OR1J2: variants seen among roughly 807,000 people sequenced by gnomAD.
OR1J2 encodes olfactory receptor family 1 subfamily J member 2, also known as olfactory receptor 1J2.
For missense variants in OR1J2, 304 were observed against 246.1 expected (o/e 1.24, Z -1.57); for synonymous variants, 142 against 99.7 (o/e 1.42, Z -2.52).
At chr9:122,484,878 C>T in the OR1J2 span, among the ~76,000 whole-genome samples, 1 of 151,646 alleles carries the variant, frequency 6.6e-6, no homozygotes, top group Non-Finnish European at 1.5e-5. Flanking sequence ...ACCAAAAATA[C>T]AAAAAATTAG....
Position 122,511,035 on chromosome 9 carries a change from C to T in OR1J2, c.234C>T (p.Val78=), listed in dbSNP as rs779515823. 6.5e-7 allele frequency: 1 copy of T among 1,534,902 alleles called. No homozygotes were observed. Among genetic ancestry groups the T allele is most frequent in the Non-Finnish European group, 9.0e-7 (1 of 1,111,366 alleles). ...ACATCTCCTTTTCATCTGTCACTGTCCCTAAGATGCTGATGGACATGCGGA... is the reference window on the plus strand; with the variant it reads ...ACATCTCCTTTTCATCTGTCACTGTTCCTAAGATGCTGATGGACATGCGGA... ...LTDISFSSVT[V]PKMLMDMRTK... is the part of the protein sequence containing the mutation. Residue 78 remains valine, a synonymous_variant, in exon 1 of 1, where the codon GTC becomes GTT. Coordinates refer to ENST00000335302, the MANE Select transcript of OR1J2 (RefSeq NM_054107.1).
downstream of OR1J2, among the ~76,000 whole-genome samples, chr9:122,513,869 T>C (rs1420941985): frequency 6.6e-6 from 1 of 152,186 alleles, no homozygotes. Context: ...TTAAAAATGA[T>C]GCTTTTGAAG....
the OR1J2 span, among the ~76,000 whole-genome samples, chr9:122,530,674 C>T: frequency 6.6e-6 from 1 of 152,134 alleles, no homozygotes; most frequent in East Asian, 1.9e-4. Flanking sequence ...TTTATTTCAC[C>T]TGGGTGCAGG....
the OR1J2 span, among the ~76,000 whole-genome samples, chr9:122,449,778 A>G: frequency 5.9e-5 from 9 of 152,186 alleles, no homozygotes; most frequent in Non-Finnish European, 1.2e-4. Flanking sequence ...GAGGTGCAGC[A>G]TGCTGGTTCA....
chr9:122,550,254 A>G, the OR1J2 span, among the ~76,000 whole-genome samples: 18 of 152,284 alleles, frequency 1.2e-4, no homozygotes, highest in South Asian at 2.1e-3. Context: ...ATTGAATCAT[A>G]CAATCTCCCA....
chr9:122,526,231 C>T, the OR1J2 span: 6 of 474,996 alleles, frequency 1.3e-5, no homozygotes, highest in Admixed American at 3.8e-5. Flanking sequence ...AATGAGAAAA[C>T]CAAGGCTCAG....
chr9:122,460,089 C>T, the OR1J2 span, among the ~76,000 whole-genome samples: 1 of 152,034 alleles, frequency 6.6e-6, no homozygotes, highest in Non-Finnish European at 1.5e-5. Context: ...ATAATGATCT[C>T]CAATTCCATC....
At chr9:122,453,028 C>CAAA in the OR1J2 span, among the ~76,000 whole-genome samples, 3 of 93,436 alleles carry the variant, frequency 3.2e-5, no homozygotes, top group African/African-American at 7.8e-5. Context: ...AGCTTCGTCT[C>CAAA]AAAAAAAAAA....
chr9:122,527,293 T>C, the OR1J2 span: 1 of 1,595,748 alleles, frequency 6.3e-7, no homozygotes, highest in Non-Finnish European at 8.6e-7. Flanking sequence ...TGGTTTTCCA[T>C]GACTCTGCAG....
the OR1J2 span, among the ~76,000 whole-genome samples, chr9:122,454,165 G>A: frequency 0.27 from 41,789 of 152,060 alleles, 5,933 homozygotes; most frequent in African/African-American, 0.35. Flanking sequence ...GCTATGATCA[G>A]CACCACATAT....
chr9:122,536,178 A>G, the OR1J2 span, among the ~76,000 whole-genome samples: 1 of 152,172 alleles, frequency 6.6e-6, no homozygotes. Flanking sequence ...ACCACAGTCA[A>G]TGGCAAAAAT....
chr9:122,522,319 A>G, the OR1J2 span, among the ~76,000 whole-genome samples: 1 of 152,226 alleles, frequency 6.6e-6, no homozygotes, highest in Non-Finnish European at 1.5e-5. Context: ...ATTCTTTCAC[A>G]GTGTGACAAT....
At chr9:122,544,109 C>T in the OR1J2 span, among the ~76,000 whole-genome samples, 1,099 of 152,106 alleles carry the variant, frequency 7.2e-3, 12 homozygotes, top group African/African-American at 0.026. Context: ...CAAAACATTA[C>T]ATTGTAGCTC....
At chr9:122,567,165 C>A in the OR1J2 span, 1 of 159,384 alleles carries the variant, frequency 6.3e-6, no homozygotes, top group Admixed American at 6.4e-5. Context: ...CAAAAACATT[C>A]AATGGCTACA....
chr9:122,530,920 C>T, the OR1J2 span, among the ~76,000 whole-genome samples: 1 of 152,146 alleles, frequency 6.6e-6, no homozygotes, highest in African/African-American at 2.4e-5. Context: ...GGAATATCAT[C>T]AGTTAAGGCA....
At chr9:122,448,518 G>C in the OR1J2 span, among the ~76,000 whole-genome samples, 1 of 152,144 alleles carries the variant, frequency 6.6e-6, no homozygotes, top group Non-Finnish European at 1.5e-5. Flanking sequence ...ACGGGCGTCA[G>C]GCTGGGGGAT....
At chr9:122,496,398 G>A in the OR1J2 span, among the ~76,000 whole-genome samples, 1 of 152,194 alleles carries the variant, frequency 6.6e-6, no homozygotes, top group Non-Finnish European at 1.5e-5. Flanking sequence ...GGTGAGGCTT[G>A]CCGCGGCTTC....
the OR1J2 span, among the ~76,000 whole-genome samples, chr9:122,503,455 A>G: frequency 2.2e-3 from 335 of 152,334 alleles, 1 homozygote; most frequent in African/African-American, 7.6e-3. Context: ...TGTTGGACTC[A>G]TGCATAGCCT....
chr9:122,514,795 C>T (rs557380618), downstream of OR1J2, among the ~76,000 whole-genome samples: 74 of 152,250 alleles, frequency 4.9e-4, no homozygotes, highest in African/African-American at 1.8e-3. Flanking sequence ...AGGTCTTTCC[C>T]CATCTCTTTT....
Sources: gnomAD v4.1 joint callset for allele counts (sites outside exome capture counted in the v4.1 genomes callset) on GRCh38, gnomAD v4.1.1 for gene constraint, MANE v1.5 for transcripts, NCBI Gene and HGNC (gene_info 2026-07-23, HGNC 2026-07-21) for gene names.